Variants in CEP162 observed in about 807,000 individuals in gnomAD.
CEP162 encodes centrosomal protein of 162 kDa.
In CEP162, 141 loss-of-function variants were observed where a neutral mutation model predicts 169.2. The observed-to-expected ratio is 0.83, with a 90% CI of 0.73 to 0.96. The LOEUF is 0.96. Ranked by LOEUF, CEP162 falls within the 40% of genes least tolerant of loss-of-function variation. The pLI is 0.00. For missense variants in CEP162, 1,600 were observed against 1,587.2 expected (o/e 1.01, Z -0.14); for synonymous variants, 540 against 526.4 (o/e 1.03, Z -0.35).
At chr6:84,180,890 G>C (rs1286025007) in intron 13 of CEP162, among the ~76,000 whole-genome samples, 1 of 152,158 alleles carries the variant, frequency 6.6e-6, no homozygotes, top group Admixed American at 6.5e-5. Context: ...TGGATAGGAA[G>C]AATCAATATC....
At chr6:84,224,731 G>A (rs1324051498) in intron 2 of CEP162, among the ~76,000 whole-genome samples, 1 of 152,046 alleles carries the variant, frequency 6.6e-6, no homozygotes, top group East Asian at 1.9e-4. Context: ...GGATATAAGA[G>A]GAAGAGAGAC....
chr6:84,197,868 T>C (rs1027031879), intron 9 of CEP162, among the ~76,000 whole-genome samples: 1 of 146,242 alleles, frequency 6.8e-6, no homozygotes, highest in African/African-American at 2.5e-5. Context: ...AAGTGCTAAA[T>C]ACTGTTTTGC....
intron 18 of CEP162, among the ~76,000 whole-genome samples, chr6:84,166,391 G>C (rs890649293): frequency 6.6e-6 from 1 of 152,168 alleles, no homozygotes; most frequent in African/African-American, 2.4e-5. Context: ...TTCTCAGAGA[G>C]AGCTTTCCTG....
rs564556727 is a variant in CEP162 at position 84,197,825 on chromosome 6, C to CAA, written c.836-2752_836-2751dup. ...GAGCAAGATTCTGCCTCAAACAAAACAAAAAAAAAAAAAAAAAAGAGAGAA... is the reference window on the plus strand; with the variant it reads ...GAGCAAGATTCTGCCTCAAACAAAACAAAAAAAAAAAAAAAAAAAAGAGAGAA... On this transcript the variant is annotated intron_variant, in intron 9 of 26. Coordinates refer to ENST00000403245, the MANE Select transcript of CEP162 (RefSeq NM_014895.4). Among the ~76,000 whole-genome samples the CAA allele has an allele frequency of 3.8e-3, 244 of 64,152 alleles. 1 individual carries two copies. The highest frequency in any genetic ancestry group is 0.01 in the Middle Eastern group (1 of 98). The allele number at this position is 64,152 out of a possible 152,430, so 42.1% of individuals were successfully genotyped here. A position where few individuals can be genotyped will look rare whatever the true frequency, so the allele number is the denominator to read the frequency against.
intron 24 of CEP162, among the ~76,000 whole-genome samples, chr6:84,147,061 C>T (rs1276415255): frequency 2.6e-5 from 4 of 152,122 alleles, no homozygotes; most frequent in Non-Finnish European, 4.4e-5. Flanking sequence ...TATTGCAGCA[C>T]TATTCACAAT....
chr6:84,188,449 T>C (rs1047548649), intron 11 of CEP162, among the ~76,000 whole-genome samples: 1 of 152,180 alleles, frequency 6.6e-6, no homozygotes, highest in Non-Finnish European at 1.5e-5. Context: ...GTACTTGATG[T>C]TTAGCTCCCA....
In CEP162 at chr6:84,195,091, T is replaced by C; in HGVS notation, c.836-16A>G. 2.0e-6 allele frequency: 3 copies of C among 1,532,694 alleles called. No homozygotes were observed. The highest frequency in any genetic ancestry group is 2.6e-6 in the Non-Finnish European group (3 of 1,137,176). 94.9% of individuals were successfully genotyped at this position (1,532,694 alleles called of 1,614,324 possible). On this transcript the variant is annotated splice_polypyrimidine_tract_variant and intron_variant, in intron 9 of 26. Coordinates refer to ENST00000403245, the MANE Select transcript of CEP162 (RefSeq NM_014895.4). ...TAAGAAACACCTGTTGAAATAAACG[T>C]AATCACCAGAAATAATTACATCACA...
chr6:84,178,974 T>C (rs996598231), intron 13 of CEP162, among the ~76,000 whole-genome samples: 2 of 152,190 alleles, frequency 1.3e-5, no homozygotes, highest in African/African-American at 4.8e-5. Context: ...TCCATGTCCC[T>C]ACAAAGGACA....
intron 25 of CEP162, among the ~76,000 whole-genome samples, chr6:84,132,312 T>C (rs1275287211): frequency 1.3e-5 from 2 of 152,192 alleles, no homozygotes; most frequent in African/African-American, 2.4e-5. Context: ...AATCTGATAA[T>C]TATGTGTCTT....
intron 3 of CEP162, among the ~76,000 whole-genome samples, 193 bp downstream of exon 3, chr6:84,220,864 T>C (rs1038800687): frequency 3.3e-5 from 5 of 152,216 alleles, no homozygotes; most frequent in African/African-American, 1.2e-4. Context: ...CTGATAATGT[T>C]ATAACGCAGA....
chr6:84,139,172 T>C (rs1385849298), intron 25 of CEP162, among the ~76,000 whole-genome samples: 2 of 152,210 alleles, frequency 1.3e-5, no homozygotes, highest in African/African-American at 2.4e-5. Flanking sequence ...CATTTTCCTT[T>C]AGTGAAGAGG....
Position 84,170,871 on chromosome 6 carries a change from C to T in CEP162, c.2279+735G>A, listed in dbSNP as rs569845825. Among the ~76,000 whole-genome samples the T allele has an allele frequency of 6.6e-5, 10 of 152,282 alleles. 1 individual carries two copies. The South Asian group carries it at 1.9e-3, about 28-fold the overall frequency. On this transcript the variant is annotated intron_variant, in intron 17 of 26. Coordinates refer to ENST00000403245, the MANE Select transcript of CEP162 (RefSeq NM_014895.4). ...CTAAGTAGGTGCTGGTGCTCCATAA[C>T]CCTGCCATGATAAATGCTGGCTGAA... is the stretch of plus-strand genomic sequence containing the variant.
At chr6:84,223,435 G>A (rs990410831) in intron 2 of CEP162, among the ~76,000 whole-genome samples, 1 of 151,654 alleles carries the variant, frequency 6.6e-6, no homozygotes. Context: ...GGAGGCAGAG[G>A]TTGCAGTGAG....
chr6:84,192,490 A>G (rs967000858), intron 11 of CEP162, among the ~76,000 whole-genome samples: 1 of 152,236 alleles, frequency 6.6e-6, no homozygotes, highest in African/African-American at 2.4e-5. Flanking sequence ...TCAATGGAAG[A>G]CTACTACACT....
chr6:84,168,136 A>G (rs1415571135), intron 18 of CEP162, among the ~76,000 whole-genome samples: 1 of 152,176 alleles, frequency 6.6e-6, no homozygotes, highest in African/African-American at 2.4e-5. Flanking sequence ...TAAAAGGTAA[A>G]AACAACAGCC....
intron 3 of CEP162, among the ~76,000 whole-genome samples, chr6:84,218,776 A>G (rs756840727): frequency 2.0e-5 from 3 of 152,174 alleles, no homozygotes; most frequent in Non-Finnish European, 4.4e-5. Flanking sequence ...AATAACCTCC[A>G]TAAGTTGTAA....
intron 21 of CEP162, 166 bp from the exon 22 acceptor site, chr6:84,155,676 C>A: frequency 1.7e-6 from 1 of 577,446 alleles, no homozygotes; most frequent in Non-Finnish European, 3.1e-6. Flanking sequence ...TATATTTAAC[C>A]AAGAAGGTGA....
chr6:84,185,516 T>C (rs957221433), intron 12 of CEP162, 68 bp from the exon 13 acceptor site: 1 of 1,325,444 alleles, frequency 7.5e-7, no homozygotes, highest in African/African-American at 1.5e-5. Context: ...AATGAATATT[T>C]AATAGATGGC....
intron 19 of CEP162, among the ~76,000 whole-genome samples, chr6:84,162,460 C>T (rs2099526167): frequency 6.6e-6 from 1 of 152,140 alleles, no homozygotes; most frequent in Non-Finnish European, 1.5e-5. Context: ...TACACTGAAG[C>T]TCATAATACT....
Sources: allele counts gnomAD v4.1 joint callset (sites outside exome capture counted in the v4.1 genomes callset), GRCh38; gene constraint gnomAD v4.1.1; transcripts MANE v1.5; gene names NCBI Gene and HGNC (gene_info 2026-07-23, HGNC 2026-07-21).